ALG1: variants seen among roughly 807,000 people sequenced by gnomAD.
ALG1 encodes the protein chitobiosyldiphosphodolichol beta-mannosyltransferase.
Under a neutral mutation model 55.1 loss-of-function variants are expected in ALG1, and 58 were observed. The ratio of observed to expected loss-of-function variants is 1.05; its 90% confidence interval spans 0.85 to 1.31. The LOEUF (loss-of-function observed/expected upper bound fraction) is 1.31, where lower values mean the gene tolerates loss of function less well. Ranked by LOEUF, ALG1 falls within the 50% of genes most tolerant of loss-of-function variation. The pLI, the probability that ALG1 is intolerant of heterozygous loss-of-function variation, is 0.00. For missense variants in ALG1, 761 were observed against 598.6 expected (o/e 1.27, Z -2.83); for synonymous variants, 309 against 247.0 (o/e 1.25, Z -2.35).
chr16:5,080,829 G>C, intron 9 of ALG1, 117 bp from the exon 10 acceptor site: 2 of 1,400,020 alleles, frequency 1.4e-6, no homozygotes, highest in South Asian at 1.2e-5. Flanking sequence ...GACTGGAGCT[G>C]CTGAGGGGTG....
chr16:5,075,570 C>T (rs563731449), intron 4 of ALG1, 34 bp downstream of exon 4: 2 of 1,612,662 alleles, frequency 1.2e-6, no homozygotes, highest in Non-Finnish European at 8.5e-7. Context: ...AATACCGTCC[C>T]CTAAACCACT....
At chr16:5,079,158 A>G in intron 8 of ALG1, 56 bp downstream of exon 8, 1 of 1,585,496 alleles carries the variant, frequency 6.3e-7, no homozygotes, top group Non-Finnish European at 8.5e-7. Context: ...ACTGAGCTGT[A>G]AGCTGCTTGC....
At position 5,084,768 on chromosome 16, in the gene ALG1, C is replaced by A. The variant is rs1413293071; in HGVS notation, c.1282C>A (p.Pro428Thr). The A allele has an allele frequency of 1.3e-6, 2 of 1,596,470 alleles. No homozygotes were observed. Among genetic ancestry groups the A allele is most frequent in the South Asian group, 1.1e-5 (1 of 90,986 alleles). ...AQLQMLFSNFPDPAGKLNQFR... is the reference protein window; with the variant it reads ...AQLQMLFSNFTDPAGKLNQFR... Reference sequence around the variant, plus strand: ...TTTGCAGATGCTTTTCTCAAACTTTCCTGATCCTGCGGGCAAGCTAAACCA... The same window carrying A: ...TTTGCAGATGCTTTTCTCAAACTTTACTGATCCTGCGGGCAAGCTAAACCA... The change falls in exon 13 of 13, where the codon CCT becomes ACT. Residue 428 changes from proline to threonine, a missense_variant. Pro to Thr is a conservative substitution (Grantham distance 38). Transcript: ENST00000262374.
At position 5,072,661 on chromosome 16, in the gene ALG1, G is replaced by C. The variant is rs561554295; in HGVS notation, c.209-290G>C. On this transcript the variant is annotated intron_variant, in intron 1 of 12. Transcript: ENST00000262374. ...CTTCCTAGGGATGGCTCTGTGGTGG[G>C]AAAATTCCACTATCCAGACAATCTA... Among the ~76,000 whole-genome samples the C allele has an allele frequency of 7.9e-5, 12 of 152,254 alleles. No individual in the cohort carries two copies. The East Asian group carries it at 1.9e-3, about 25-fold the overall frequency.
intron 6 of ALG1, 35 bp downstream of exon 6, chr16:5,078,052 C>T: frequency 1.3e-6 from 2 of 1,592,724 alleles, no homozygotes; most frequent in Non-Finnish European, 1.7e-6. Flanking sequence ...TTCTCTCCTG[C>T]TCGCCACTGC....
intron 11 of ALG1, 74 bp from the exon 12 acceptor site, chr16:5,083,608 G>A (rs1338885332): frequency 1.3e-6 from 2 of 1,597,038 alleles, no homozygotes; most frequent in African/African-American, 2.7e-5. Flanking sequence ...GTGTGTGGGG[G>A]AGCCCAGGTG....
chr16:5,079,943 C>G, intron 9 of ALG1, 136 bp downstream of exon 9: 1 of 1,165,778 alleles, frequency 8.6e-7, no homozygotes, highest in Non-Finnish European at 1.3e-6. Flanking sequence ...TCTTATACTG[C>G]TTGACATGGG....
chr16:5,074,674 T>A (rs1956876995), intron 3 of ALG1, among the ~76,000 whole-genome samples: 1 of 152,232 alleles, frequency 6.6e-6, no homozygotes, highest in South Asian at 2.1e-4. Flanking sequence ...TGATGCATTT[T>A]AAAAATGTGT....
intron 3 of ALG1, among the ~76,000 whole-genome samples, chr16:5,073,585 C>T (rs1353751187): frequency 6.6e-6 from 1 of 152,154 alleles, no homozygotes; most frequent in African/African-American, 2.4e-5. Flanking sequence ...ATGAGAAAAC[C>T]TAGACTGAGA....
chr16:5,084,473 G>A (rs1957078712), intron 12 of ALG1: 1 of 585,508 alleles, frequency 1.7e-6, no homozygotes, highest in South Asian at 2.0e-5. Context: ...GCCGAGAGGA[G>A]GGTGCTCACA....
chr16:5,073,340 C>T, intron 3 of ALG1, 84 bp downstream of exon 3: 1 of 1,229,600 alleles, frequency 8.1e-7, no homozygotes, highest in Non-Finnish European at 1.2e-6. Flanking sequence ...ATTGCATATT[C>T]ATATGTGTGT....
In ALG1 at chr16:5,085,615, G is replaced by A. The variant is rs1957128992; in HGVS notation, c.*734G>A. 13 of 1,528,436 alleles carry A rather than the reference G, an allele frequency of 8.5e-6. No individual in the cohort carries two copies. The highest frequency in any genetic ancestry group is 1.7e-5 in the Admixed American group (1 of 59,884). The allele number at this position is 1,528,436 out of a possible 1,614,324, so 94.7% of individuals were successfully genotyped here. ...GTGACTTGATTCTCACAATCCCGTT[G>A]GAGTCGTGTGTGAGTCCTACAGGGT... On this transcript the variant is annotated 3_prime_UTR_variant, in exon 13 of 13. Coordinates refer to ENST00000262374, the MANE Select transcript of ALG1 (RefSeq NM_019109.5).
chr16:5,079,142 G>C, intron 8 of ALG1, 40 bp downstream of exon 8: 1 of 1,591,094 alleles, frequency 6.3e-7, no homozygotes, highest in South Asian at 1.1e-5. Flanking sequence ...GGGCTTGTCG[G>C]GGGCCACTGA....
At chr16:5,077,305 A>T in intron 4 of ALG1, 140 bp from the exon 5 acceptor site, 1 of 758,602 alleles carries the variant, frequency 1.3e-6, no homozygotes, top group Non-Finnish European at 2.3e-6. Context: ...ATAAAGAAAG[A>T]ACACTGGCAC....
At chr16:5,077,320 G>C in intron 4 of ALG1, 125 bp from the exon 5 acceptor site, 1 of 821,696 alleles carries the variant, frequency 1.2e-6, no homozygotes, top group Non-Finnish European at 2.1e-6. Flanking sequence ...TGGCACAGCT[G>C]GGGCTCAGGG....
At chr16:5,074,778 T>C (rs906124404) in intron 3 of ALG1, among the ~76,000 whole-genome samples, 1 of 152,212 alleles carries the variant, frequency 6.6e-6, no homozygotes, top group Non-Finnish European at 1.5e-5. Flanking sequence ...TCACCAGCTG[T>C]TGTTAGACCT....
intron 4 of ALG1, among the ~76,000 whole-genome samples, chr16:5,076,306 C>T (rs545004072): frequency 6.6e-6 from 1 of 152,364 alleles, no homozygotes; most frequent in Admixed American, 6.5e-5. Flanking sequence ...TGTTCACTGG[C>T]AGTGGTGACA....
At position 5,085,339 on chromosome 16, in the gene ALG1, T is replaced by C. The variant is rs1957117534; in HGVS notation, c.*458T>C. The C allele has an allele frequency of 2.0e-6, 1 of 504,890 alleles. No homozygotes were observed. The highest frequency in any genetic ancestry group is 1.9e-5 in the African/African-American group (1 of 51,652). The allele number at this position is 504,890 out of a possible 1,614,324, so 31.3% of individuals were successfully genotyped here. On this transcript the variant is annotated 3_prime_UTR_variant, in exon 13 of 13. Coordinates refer to ENST00000262374, the MANE Select transcript of ALG1 (RefSeq NM_019109.5). ...GTGTGTCCACGTTGGGGGAACATCA[T>C]ACTTGATACACACGTTTTTATTTGC... is the stretch of plus-strand genomic sequence containing the variant.
rs1337149159 is a variant in ALG1, at chr16:5,087,161, A to G, written c.*2280A>G. Reference sequence around the variant, plus strand: ...CCCTGTGCCACACTGGAAGAAGAAGAATCGCCTTGGGCCACGCATAAAATA... The same window carrying G: ...CCCTGTGCCACACTGGAAGAAGAAGGATCGCCTTGGGCCACGCATAAAATA... On this transcript the variant is annotated 3_prime_UTR_variant, in exon 13 of 13. Transcript: ENST00000262374. 6.6e-6 allele frequency: 1 copy of G among 152,118 alleles called. No individual in the cohort carries two copies. Among genetic ancestry groups the G allele is most frequent in the Non-Finnish European group, 1.5e-5 (1 of 68,012 alleles). 9.4% of individuals were successfully genotyped at this position (152,118 alleles called of 1,614,324 possible).
Sources: allele counts gnomAD v4.1 joint callset (sites outside exome capture counted in the v4.1 genomes callset), GRCh38; gene constraint gnomAD v4.1.1; transcripts MANE v1.5; gene names NCBI Gene and HGNC (gene_info 2026-07-23, HGNC 2026-07-21).